The following SEMA4F variants were observed in gnomAD, a reference collection of about 807,000 sequenced individuals.
SEMA4F encodes the protein semaphorin-4F.
SEMA4F carries 51 observed loss-of-function variants against 78.4 expected under a neutral mutation model. The observed-to-expected ratio is 0.65, with a 90% CI of 0.52 to 0.82. The LOEUF is 0.82. Among genes scored for constraint, SEMA4F ranks in the 40% least tolerant of loss-of-function variants. SEMA4F has a pLI of 0.00. For synonymous variants in SEMA4F, 418 were observed against 408.7 expected, an observed-to-expected ratio of 1.02 and a Z score of -0.27; for missense variants, 938 against 1,014.4, an observed-to-expected ratio of 0.92 and a Z score of 1.02.
At chr2:74,695,823 T>C in the SEMA4F span, among the ~76,000 whole-genome samples, 5,218 of 152,252 alleles carry the variant, frequency 0.034, 267 homozygotes, top group African/African-American at 0.11. Flanking sequence ...GAAGTTGGTG[T>C]CAAACATACT....
chr2:74,656,778 A>C, intron 2 of SEMA4F, 93 bp downstream of exon 2: 1 of 1,347,592 alleles, frequency 7.4e-7, no homozygotes, highest in Non-Finnish European at 1.0e-6. Context: ...CATAATAACT[A>C]AAGATGTAAC....
At position 74,666,733 on chromosome 2, in the gene SEMA4F, C is replaced by T. The variant is rs1031599339; in HGVS notation, c.550+3908C>T. ...AATAGCAGTATAGAAATAGTGGTAA[C>T]ATTATATAATCATTAGAACCAAAAT... On this transcript the variant is annotated intron_variant, in intron 5 of 13. Coordinates refer to ENST00000357877, the MANE Select transcript of SEMA4F (RefSeq NM_004263.5). Among the ~76,000 whole-genome samples the T allele has an allele frequency of 2.6e-5, 4 of 152,214 alleles. No homozygotes were observed. In the South Asian group the frequency reaches 8.3e-4, roughly 32 times the overall value.
At chr2:74,675,482 G>A (rs1358715140) in intron 10 of SEMA4F, 43 bp from the exon 11 acceptor site, 1 of 1,600,148 alleles carries the variant, frequency 6.2e-7, no homozygotes, top group Non-Finnish European at 8.6e-7. Context: ...CCCAGGCACA[G>A]GGGCAATTAT....
the SEMA4F span, among the ~76,000 whole-genome samples, chr2:74,699,734 C>T: frequency 1.3e-5 from 2 of 152,052 alleles, no homozygotes; most frequent in East Asian, 3.9e-4. Flanking sequence ...AGGGGAATGA[C>T]CAAGAGAGTG....
chr2:74,685,277 CACTT>C (rs1279496721), downstream of SEMA4F, among the ~76,000 whole-genome samples: 4 of 152,112 alleles, frequency 2.6e-5, no homozygotes, highest in South Asian at 2.1e-4. Flanking sequence ...CTTAGTGTCT[CACTT>C]AGTAGGAAAG....
rs992193274 is a variant in SEMA4F at position 74,673,528 on chromosome 2, C to G, written c.622C>G (p.Arg208Gly). Residue 208 changes from arginine (R) to glycine (G), a missense_variant, in exon 6 of 14, where the codon CGT becomes GGT. Transcript: ENST00000357877. ...GCCAATTATCACCAGAGCAGTGGGTCGTGCCGAGGACTGGATTCGGACAGA... is the reference window on the plus strand; with the variant it reads ...GCCAATTATCACCAGAGCAGTGGGTGGTGCCGAGGACTGGATTCGGACAGA... The part of the protein sequence containing the change: ...TEPIITRAVG[R>G]AEDWIRTDTL... 6.2e-7 allele frequency: 1 copy of G among 1,614,072 alleles called. No individual in the cohort carries two copies. The highest frequency in any genetic ancestry group is 8.5e-7 in the Non-Finnish European group (1 of 1,180,022).
At chr2:74,703,993 G>C in the SEMA4F span, among the ~76,000 whole-genome samples, 2 of 152,136 alleles carry the variant, frequency 1.3e-5, no homozygotes, top group East Asian at 3.9e-4. Context: ...CTTGAGAAGA[G>C]TGAGTTCCTA....
At position 74,673,713 on chromosome 2, in the gene SEMA4F, C is replaced by T; in HGVS notation, c.707C>T (p.Ala236Val). ...GTCGCAGCCGTGGCCTTGAGCCCAG[C>T]CGAATGGGGGGATGAAGATGGAGAC... ...AFVAAVALSP[A>V]EWGDEDGDDE... The change falls in exon 7 of 14, where the codon GCC (alanine) becomes GTC (valine). Residue 236 changes from alanine (A) to valine (V), a missense_variant. Transcript: ENST00000357877. The T allele has an allele frequency of 6.2e-7, 1 of 1,614,020 alleles. No homozygotes were observed. The highest frequency in any genetic ancestry group is 8.5e-7 in the Non-Finnish European group (1 of 1,179,976).
At chr2:74,659,151 A>G (rs982135842) in intron 4 of SEMA4F, among the ~76,000 whole-genome samples, 15 of 152,112 alleles carry the variant, frequency 9.9e-5, no homozygotes, top group African/African-American at 3.6e-4. Flanking sequence ...TGTTGGTGAA[A>G]ATCTCTGTAT....
chr2:74,668,048 T>C (rs573128373), intron 5 of SEMA4F, among the ~76,000 whole-genome samples: 7 of 152,330 alleles, frequency 4.6e-5, no homozygotes, highest in African/African-American at 1.7e-4. Flanking sequence ...CCTGCTTCTC[T>C]GTCAGTCTTC....
Position 74,680,292 on chromosome 2 carries a change from G to C in SEMA4F, c.*83G>C. 3 of 1,451,916 alleles carry C rather than the reference G, an allele frequency of 2.1e-6. No homozygotes were observed. Among genetic ancestry groups the C allele is most frequent in the Non-Finnish European group, 2.8e-6 (3 of 1,079,880 alleles). 89.9% of individuals were successfully genotyped at this position (1,451,916 alleles called of 1,614,324 possible). ...ATGCTGGGGGTCACTGGGCCTGGAA[G>C]ACCATCCCAGCCTCTGAGTTCTCTT... is the stretch of plus-strand genomic sequence containing the variant. On this transcript the variant is annotated 3_prime_UTR_variant, in exon 14 of 14. Transcript: ENST00000357877.
rs1386189493 is a variant in SEMA4F at position 74,661,793 on chromosome 2, G to A, written c.457-939G>A. On this transcript the variant is annotated intron_variant, in intron 4 of 13. Transcript: ENST00000357877. ...ACTTATTTTTCAGGGGATATATATC[G>A]ATATTTCTGCAACAGCTACCATGGA... Among the ~76,000 whole-genome samples the A allele has an allele frequency of 5.9e-5, 9 of 152,104 alleles. 1 individual carries two copies. The highest frequency in any genetic ancestry group is 1.5e-5 in the Non-Finnish European group (1 of 68,016).
downstream of SEMA4F, among the ~76,000 whole-genome samples, chr2:74,684,425 T>C (rs1005190169): frequency 3.9e-5 from 6 of 152,080 alleles, no homozygotes; most frequent in South Asian, 1.0e-3. Context: ...TGTCTATCCT[T>C]AGTAGTCACT....
chr2:74,660,877 G>T (rs1684393584), intron 4 of SEMA4F, among the ~76,000 whole-genome samples: 1 of 152,228 alleles, frequency 6.6e-6, no homozygotes, highest in Admixed American at 6.5e-5. Flanking sequence ...GAAGATATCA[G>T]ATTTGGAGAG....
chr2:74,673,409 TC>T, intron 5 of SEMA4F, 47 bp from the exon 6 acceptor site: 1 of 1,609,398 alleles, frequency 6.2e-7, no homozygotes, highest in Non-Finnish European at 8.5e-7. Flanking sequence ...CTCTGTTGCT[TC>T]CCTCAGTGGG....
intron 5 of SEMA4F, among the ~76,000 whole-genome samples, chr2:74,667,244 G>T (rs1244453783): frequency 1.3e-5 from 2 of 152,146 alleles, no homozygotes; most frequent in Admixed American, 1.3e-4. Context: ...TAAACATAAT[G>T]CTGCAGCAGG....
At chr2:74,695,354 C>T in the SEMA4F span, among the ~76,000 whole-genome samples, 1 of 152,190 alleles carries the variant, frequency 6.6e-6, no homozygotes, top group Non-Finnish European at 1.5e-5. Context: ...TTTGCACAAC[C>T]TCAGAGCACA....
intron 5 of SEMA4F, among the ~76,000 whole-genome samples, chr2:74,669,429 C>T (rs1030598505): frequency 3.0e-4 from 45 of 151,212 alleles, no homozygotes; most frequent in African/African-American, 9.5e-4. Flanking sequence ...AATAAAAATA[C>T]AAAAATTAGC....
At chr2:74,699,826 C>T in the SEMA4F span, among the ~76,000 whole-genome samples, 20 of 152,140 alleles carry the variant, frequency 1.3e-4, no homozygotes, top group African/African-American at 4.8e-4. Flanking sequence ...AGGCATTTGT[C>T]AGCTTCTCAG....
Sources: allele counts gnomAD v4.1 joint callset (sites outside exome capture counted in the v4.1 genomes callset), GRCh38; gene constraint gnomAD v4.1.1; transcripts MANE v1.5; gene names NCBI Gene and HGNC (gene_info 2026-07-23, HGNC 2026-07-21).